The following CCDC171 variants were observed in gnomAD, a reference collection of about 807,000 sequenced individuals.
The protein encoded by CCDC171 is coiled-coil domain containing 171.
Under a neutral mutation model 168.2 loss-of-function variants are expected in CCDC171, and 177 were observed. The observed-to-expected ratio is 1.05, with a 90% CI of 0.93 to 1.19. The LOEUF (loss-of-function observed/expected upper bound fraction) is 1.19, where lower values mean the gene tolerates loss of function less well. CCDC171 is among the 50% of genes most tolerant of loss of function. CCDC171 has a pLI of 0.00. For missense variants in CCDC171, 1,991 were observed against 1,539.0 expected (o/e 1.29, Z -4.91); for synonymous variants, 687 against 540.8 (o/e 1.27, Z -3.75).
chr9:15,727,895 A>G lies in CCDC171; in HGVS notation c.1719A>G (p.Leu573=), dbSNP rs202230541. The change falls in exon 15 of 26, where the codon TTA becomes TTG. Residue 573 remains leucine (L), a synonymous_variant. Transcript: ENST00000380701. ...AGAAGCTAACCTTCCTTCACACCTT[A>G]TATCAGCACTTGGTAGCAGGCTGTG... ...AEEKLTFLHT[L]YQHLVAGCVL... 12 of 1,612,134 alleles carry G rather than the reference A, an allele frequency of 7.4e-6. No individual in the cohort carries two copies. The highest frequency in any genetic ancestry group is 4.5e-5 in the East Asian group (2 of 44,824).
intron 4 of CCDC171, among the ~76,000 whole-genome samples, chr9:15,583,015 C>T (rs969642599): frequency 1.3e-5 from 2 of 151,576 alleles, no homozygotes; most frequent in African/African-American, 4.9e-5. Flanking sequence ...GAAAAGAAGT[C>T]ATTATATGAA....
chr9:15,667,416 C>T (rs1316335354), intron 9 of CCDC171, among the ~76,000 whole-genome samples: 6 of 152,040 alleles, frequency 3.9e-5, no homozygotes, highest in Non-Finnish European at 5.9e-5. Context: ...GAGGCTGACG[C>T]GGGTAGATCA....
In CCDC171 at chr9:15,746,147, A is replaced by G. The variant is rs367620866; in HGVS notation, c.2671+516A>G. 4.6e-5 allele frequency among the ~76,000 whole-genome samples: 7 copies of G among 152,338 alleles called. No homozygotes were observed. The East Asian group carries it at 1.3e-3, about 29-fold the overall frequency. Reference sequence around the variant, plus strand: ...TATCAGCAATTTACAAAAGTTTAAAATGCAAGTTTTTTTTTATGATTCGGA... The same window carrying G: ...TATCAGCAATTTACAAAAGTTTAAAGTGCAAGTTTTTTTTTATGATTCGGA... On this transcript the variant is annotated intron_variant, in intron 18 of 25. Transcript: ENST00000380701.
Position 15,578,924 on chromosome 9 carries a change from G to C in CCDC171, c.253G>C (p.Glu85Gln), listed in dbSNP as rs1453616973. The change falls in exon 4 of 26, where the codon GAA becomes CAA. Residue 85 changes from glutamate to glutamine, a missense_variant. Physicochemically the swap from Glu to Gln is conservative, Grantham distance 29. Transcript: ENST00000380701. ...GGGAGAAGCATTGCGACAAAGTCTG[G>C]AATATGACCTAGCTGTTGCTAGAAA... ...EKGEALRQSL[E>Q]YDLAVARKEA... is the part of the protein sequence containing the mutation. 3 of 1,613,954 alleles carry C rather than the reference G, an allele frequency of 1.9e-6. No individual in the cohort carries two copies. Among genetic ancestry groups the C allele is most frequent in the Non-Finnish European group, 1.7e-6 (2 of 1,179,964 alleles).
At chr9:15,864,299 A>G (rs1458681511) in intron 23 of CCDC171, among the ~76,000 whole-genome samples, 2 of 152,034 alleles carry the variant, frequency 1.3e-5, no homozygotes, top group African/African-American at 2.4e-5. Context: ...TACTGATAAT[A>G]CAGGAATTAT....
At chr9:15,671,552 C>G (rs61591598) in intron 9 of CCDC171, among the ~76,000 whole-genome samples, 6 of 149,932 alleles carry the variant, frequency 4.0e-5, no homozygotes, top group East Asian at 2.0e-4. Flanking sequence ...TGTTCCCTGC[C>G]CTGTGTACAT....
chr9:16,097,327 T>A, the CCDC171 span, among the ~76,000 whole-genome samples: 1 of 152,238 alleles, frequency 6.6e-6, no homozygotes, highest in Non-Finnish European at 1.5e-5. Context: ...TGGTTATGGT[T>A]TGTATATGCT....
intron 9 of CCDC171, among the ~76,000 whole-genome samples, chr9:15,669,647 A>C (rs969022699): frequency 6.6e-6 from 1 of 152,194 alleles, no homozygotes; most frequent in Non-Finnish European, 1.5e-5. Flanking sequence ...TAGCTGTGAC[A>C]ACTGATTGCT....
chr9:15,985,970 T>C (rs1831972774), intron 3 of CCDC171, among the ~76,000 whole-genome samples: 1 of 152,214 alleles, frequency 6.6e-6, no homozygotes, highest in Admixed American at 6.5e-5. Flanking sequence ...CATTATTGGC[T>C]AGTCATAAAC....
chr9:15,975,063 C>T (rs1403591640), downstream of CCDC171, among the ~76,000 whole-genome samples: 1 of 152,022 alleles, frequency 6.6e-6, no homozygotes, highest in Non-Finnish European at 1.5e-5. Context: ...ACCACTGTGC[C>T]CTCACTGTGC....
intron 6 of CCDC171, among the ~76,000 whole-genome samples, chr9:15,618,759 G>T (rs1446012223): frequency 1.3e-5 from 2 of 152,080 alleles, no homozygotes; most frequent in East Asian, 3.9e-4. Context: ...GCTGGGGGAG[G>T]GAGTTGCCCT....
At chr9:16,017,352 A>G (rs12684042) in intron 3 of CCDC171, among the ~76,000 whole-genome samples, 4 of 152,116 alleles carry the variant, frequency 2.6e-5, no homozygotes, top group Non-Finnish European at 4.4e-5. Flanking sequence ...TCATGTAAAC[A>G]TGCCTCTGTT....
intron 24 of CCDC171, among the ~76,000 whole-genome samples, chr9:15,889,605 A>C (rs1031567971): frequency 2.6e-5 from 4 of 152,220 alleles, no homozygotes; most frequent in African/African-American, 7.2e-5. Context: ...GCTTGTGTAT[A>C]GTACCTGTTT....
At chr9:15,989,364 G>A (rs899075144) in intron 3 of CCDC171, among the ~76,000 whole-genome samples, 7 of 152,190 alleles carry the variant, frequency 4.6e-5, no homozygotes, top group Non-Finnish European at 1.0e-4. Context: ...GCAGCTGAGG[G>A]TCCTGACTGT....
chr9:15,642,285 G>T (rs932348898), intron 7 of CCDC171, among the ~76,000 whole-genome samples: 1 of 149,488 alleles, frequency 6.7e-6, no homozygotes, highest in African/African-American at 2.5e-5. Flanking sequence ...ATATATGTGT[G>T]TGTGTATATA....
chr9:15,679,530 C>T (rs1277251996), intron 10 of CCDC171, among the ~76,000 whole-genome samples: 1 of 152,044 alleles, frequency 6.6e-6, no homozygotes, highest in Non-Finnish European at 1.5e-5. Flanking sequence ...TATTAGAGTG[C>T]TCCTTGTTTT....
intron 11 of CCDC171, among the ~76,000 whole-genome samples, chr9:15,698,321 A>T (rs2051382315): frequency 1.3e-5 from 2 of 152,202 alleles, no homozygotes; most frequent in Admixed American, 6.5e-5. Flanking sequence ...GGAGATTGAG[A>T]CCATCCTGGC....
intron 6 of CCDC171, among the ~76,000 whole-genome samples, chr9:15,595,674 G>T (rs2042295820): frequency 6.6e-6 from 1 of 151,824 alleles, no homozygotes; most frequent in Non-Finnish European, 1.5e-5. Flanking sequence ...GTAATGGGAT[G>T]GCTGGGTCAA....
chr9:15,772,758 A>G (rs998558851), intron 18 of CCDC171, among the ~76,000 whole-genome samples: 2 of 152,188 alleles, frequency 1.3e-5, no homozygotes, highest in African/African-American at 4.8e-5. Context: ...GAGTTATTCT[A>G]TCTACTTTGT....
Sources: allele counts gnomAD v4.1 joint callset (sites outside exome capture counted in the v4.1 genomes callset), GRCh38; gene constraint gnomAD v4.1.1; transcripts MANE v1.5; gene names NCBI Gene and HGNC (gene_info 2026-07-23, HGNC 2026-07-21).